The following YTHDC2 variants were observed in gnomAD, a reference collection of about 807,000 sequenced individuals.
YTHDC2 encodes the protein 3'-5' RNA helicase YTHDC2.
A neutral mutation model predicts 174.9 loss-of-function variants in YTHDC2; 45 were observed. The observed-to-expected ratio is 0.26, with a 90% CI of 0.20 to 0.33. The LOEUF (loss-of-function observed/expected upper bound fraction) is 0.33. YTHDC2 is among the 10% of genes least tolerant of loss of function. YTHDC2 has a pLI of 1.00. For synonymous variants in YTHDC2, 657 were observed against 574.5 expected (o/e 1.14, Z -2.05); for missense variants, 1,650 against 1,723.7 (o/e 0.96, Z 0.76).
intron 5 of YTHDC2, 47 bp downstream of exon 5, chr5:113,533,092 G>A: frequency 6.3e-7 from 1 of 1,593,052 alleles, no homozygotes; most frequent in Admixed American, 1.7e-5. Flanking sequence ...GCTTAAAAAA[G>A]ACTATGTATA....
At chr5:113,537,576 C>T (rs1262832611) in intron 7 of YTHDC2, among the ~76,000 whole-genome samples, 1 of 150,824 alleles carries the variant, frequency 6.6e-6, no homozygotes, top group Non-Finnish European at 1.5e-5. Context: ...GTCTTCCTTC[C>T]TTCCTTTCCC....
rs76011950 is a variant in YTHDC2 at position 113,546,573 on chromosome 5, C to T, written c.1496-1968C>T. Reference sequence around the variant, plus strand: ...CATTTTCCCCATGATCATGTAGAAGCAGCTAATAATCAGTTAAGACTTGAC... The same window carrying T: ...CATTTTCCCCATGATCATGTAGAAGTAGCTAATAATCAGTTAAGACTTGAC... On this transcript the variant is annotated intron_variant, in intron 10 of 29. Transcript: ENST00000161863. Among the ~76,000 whole-genome samples the T allele has an allele frequency of 4.3e-3, 661 of 152,322 alleles. 2 individuals are homozygous for T. Among genetic ancestry groups the T allele is most frequent in the African/African-American group, 8.0e-3 (332 of 41,570 alleles).
Position 113,513,972 on chromosome 5 carries a change from G to C in YTHDC2, c.77G>C (p.Gly26Ala). 1 of 1,602,818 alleles carries C rather than the reference G, an allele frequency of 6.2e-7. No individual in the cohort carries two copies. The highest frequency in any genetic ancestry group is 8.5e-7 in the Non-Finnish European group (1 of 1,175,394). The change falls in exon 1 of 30, where the codon GGC becomes GCC. Residue 26 changes from glycine (G) to alanine (A), a missense_variant. Coordinates refer to ENST00000161863, the MANE Select transcript of YTHDC2 (RefSeq NM_022828.5). ...GGGGGGPSPC[G>A]PGGGGRAKGL... ...GGAGGCGGCGGCCCCTCGCCTTGTG[G>C]CCCTGGGGGCGGCGGCCGGGCCAAG...
At chr5:113,571,703 G>A (rs1164360876) in intron 23 of YTHDC2, among the ~76,000 whole-genome samples, 2 of 152,118 alleles carry the variant, frequency 1.3e-5, no homozygotes, top group African/African-American at 4.8e-5. Context: ...TCAGTCTCAG[G>A]AGTATGTATG....
At chr5:113,580,257 A>G (rs1368296812) in intron 24 of YTHDC2, among the ~76,000 whole-genome samples, 3 of 152,190 alleles carry the variant, frequency 2.0e-5, no homozygotes, top group Non-Finnish European at 2.9e-5. Context: ...GGAGGGGACA[A>G]AAACTTCAAA....
chr5:113,527,908 A>T (rs1774380182), intron 4 of YTHDC2, among the ~76,000 whole-genome samples: 1 of 152,160 alleles, frequency 6.6e-6, no homozygotes, highest in South Asian at 2.1e-4. Context: ...CTCCTGGCTC[A>T]GCCTCCTGAG....
Position 113,513,906 on chromosome 5 carries a change from C to G in YTHDC2, c.11C>G (p.Pro4Arg), listed in dbSNP as rs746542268. 7.5e-6 allele frequency: 12 copies of G among 1,604,114 alleles called. No individual in the cohort carries two copies. Among genetic ancestry groups the G allele is most frequent in the African/African-American group, 1.3e-5 (1 of 74,750 alleles). MSR[P>R]SSVSPRQPAP... ...CATCTCTTCAGGGCAATGTCCAGGC[C>G]GAGCAGCGTCTCCCCGCGGCAGCCG... The change falls in exon 1 of 30, where the codon CCG (proline) becomes CGG (arginine). Residue 4 changes from proline to arginine, a missense_variant. By Grantham distance (103) the Pro-to-Arg change is moderately radical. Coordinates refer to ENST00000161863, the MANE Select transcript of YTHDC2 (RefSeq NM_022828.5).
chr5:113,517,123 A>G (rs1245117757), intron 2 of YTHDC2, among the ~76,000 whole-genome samples: 3 of 152,228 alleles, frequency 2.0e-5, no homozygotes, highest in Non-Finnish European at 4.4e-5. Flanking sequence ...AATCTACCTA[A>G]TAAAATATGG....
intron 2 of YTHDC2, among the ~76,000 whole-genome samples, chr5:113,519,782 T>A (rs987971578): frequency 1.3e-5 from 2 of 152,292 alleles, no homozygotes; most frequent in African/African-American, 2.4e-5. Flanking sequence ...AATGGTTTTT[T>A]AAAAAATTCA....
At position 113,513,823 on chromosome 5, in the gene YTHDC2, C is replaced by G; in HGVS notation, c.-73C>G. On this transcript the variant is annotated 5_prime_UTR_variant, in exon 1 of 30. Coordinates refer to ENST00000161863, the MANE Select transcript of YTHDC2 (RefSeq NM_022828.5). ...CTTCCCGGTAGTGGCCCCGGATTCCCACGGTCTTTGTCATTGGCTGTCAGC... is the reference window on the plus strand; with the variant it reads ...CTTCCCGGTAGTGGCCCCGGATTCCGACGGTCTTTGTCATTGGCTGTCAGC... 6.8e-7 allele frequency: 1 copy of G among 1,470,772 alleles called. No homozygotes were observed. The highest frequency in any genetic ancestry group is 9.0e-7 in the Non-Finnish European group (1 of 1,111,998). The allele number at this position is 1,470,772 out of a possible 1,614,324, so 91.1% of individuals were successfully genotyped here. A position where few individuals can be genotyped will look rare whatever the true frequency, so the allele number is the denominator to read the frequency against.
chr5:113,538,790 T>C (rs993673178), intron 7 of YTHDC2, among the ~76,000 whole-genome samples: 1 of 152,162 alleles, frequency 6.6e-6, no homozygotes, highest in African/African-American at 2.4e-5. Flanking sequence ...GAAATAGCTC[T>C]GTTTCCTCTT....
intron 12 of YTHDC2, 112 bp from the exon 13 acceptor site, chr5:113,553,069 T>C: frequency 9.6e-7 from 1 of 1,039,342 alleles, no homozygotes; most frequent in South Asian, 2.0e-5. Context: ...AGCTAGGACA[T>C]TAAGTGTCAC....
At chr5:113,521,818 C>G (rs1453254928) in intron 2 of YTHDC2, among the ~76,000 whole-genome samples, 1 of 47,926 alleles carries the variant, frequency 2.1e-5, no homozygotes, top group South Asian at 8.5e-4. Context: ...AAGACTCTGT[C>G]TCAAAAAAAA....
chr5:113,581,015 G>C (rs892230220), intron 24 of YTHDC2, among the ~76,000 whole-genome samples: 4 of 152,092 alleles, frequency 2.6e-5, no homozygotes, highest in African/African-American at 7.2e-5. Flanking sequence ...AGGAACTGGT[G>C]ACTTTCAAGT....
rs535162186 is a variant in YTHDC2, at chr5:113,561,441, T to TTATCTATC, written c.2322+280_2322+287dup. Among the ~76,000 whole-genome samples the TTATCTATC allele has an allele frequency of 4.7e-4, 70 of 149,262 alleles. No homozygotes were observed. The Middle Eastern group carries it at 0.01, about 22-fold the overall frequency. ...GTTTTAAAGGATATATATATATTTT[T>TTATCTATC]TATCTATCTATCTATCTATCTATCT... On this transcript the variant is annotated intron_variant, in intron 18 of 29. Coordinates refer to ENST00000161863, the MANE Select transcript of YTHDC2 (RefSeq NM_022828.5).
intron 2 of YTHDC2, among the ~76,000 whole-genome samples, chr5:113,522,858 A>T (rs1228547998): frequency 6.6e-6 from 1 of 152,164 alleles, no homozygotes; most frequent in Non-Finnish European, 1.5e-5. Flanking sequence ...AGACTCCTTT[A>T]CTAAAACATA....
At chr5:113,585,787 T>C (rs1778645488) in intron 26 of YTHDC2, among the ~76,000 whole-genome samples, 2 of 151,678 alleles carry the variant, frequency 1.3e-5, no homozygotes, top group Non-Finnish European at 2.9e-5. Context: ...TAAGATTCAG[T>C]GTATCAACAA....
At chr5:113,567,355 A>G (rs866608747) in intron 22 of YTHDC2, 58 bp downstream of exon 22, 19 of 1,384,716 alleles carry the variant, frequency 1.4e-5, no homozygotes, top group Middle Eastern at 2.5e-4. Flanking sequence ...GTAGTTCACT[A>G]TCAATGAAAA....
At chr5:113,572,775 CA>C (rs1164260775) in intron 23 of YTHDC2, among the ~76,000 whole-genome samples, 1 of 152,186 alleles carries the variant, frequency 6.6e-6, no homozygotes, top group Non-Finnish European at 1.5e-5. Flanking sequence ...ACTAGGATTG[CA>C]ACCACTGCCT....
Sources: allele counts gnomAD v4.1 joint callset (sites outside exome capture counted in the v4.1 genomes callset), GRCh38; gene constraint gnomAD v4.1.1; transcripts MANE v1.5; gene names NCBI Gene and HGNC (gene_info 2026-07-23, HGNC 2026-07-21).